Variants in PDE11A observed in about 807,000 individuals in gnomAD.
PDE11A encodes phosphodiesterase 11A, also known as dual 3',5'-cyclic-AMP and -GMP phosphodiesterase 11A.
Under a neutral mutation model 100.5 loss-of-function variants are expected in PDE11A, and 100 were observed. The observed-to-expected ratio is 1.00, with a 90% CI of 0.85 to 1.18. PDE11A has a LOEUF of 1.18. Ranked by LOEUF, PDE11A falls within the 50% of genes most tolerant of loss-of-function variation. PDE11A has a pLI of 0.00. For synonymous variants in PDE11A, 381 were observed against 420.8 expected, an observed-to-expected ratio of 0.91 and a Z score of 1.16; for missense variants, 1,141 against 1,152.6, an observed-to-expected ratio of 0.99 and a Z score of 0.15.
In PDE11A at chr2:177,947,793, T is replaced by C. The variant is rs201282911; in HGVS notation, c.1072-42606A>G. Reference sequence around the variant, plus strand: ...AAATAAATTTAAAAAAATAAAAAAATAAAAAAAAAATAAAATAAAATCTTA... The same window carrying C: ...AAATAAATTTAAAAAAATAAAAAAACAAAAAAAAAATAAAATAAAATCTTA... On this transcript the variant is annotated intron_variant, in intron 2 of 19. Transcript: ENST00000286063. Among the ~76,000 whole-genome samples, 6 of 26,792 alleles carry C rather than the reference T, an allele frequency of 2.2e-4. No individual in the cohort carries two copies. The South Asian group carries it at 6.7e-3, about 30-fold the overall frequency. The allele number at this position is 26,792 out of a possible 152,430, so 17.6% of individuals were successfully genotyped here.
intron 1 of PDE11A, among the ~76,000 whole-genome samples, chr2:178,043,398 A>G (rs921078312): frequency 2.0e-5 from 3 of 152,280 alleles, no homozygotes; most frequent in Admixed American, 1.3e-4. Context: ...CAGACATCAA[A>G]ACTTGCTTTG....
At chr2:177,641,426 CAA>C (rs3056858) in intron 19 of PDE11A, among the ~76,000 whole-genome samples, 9 of 136,036 alleles carry the variant, frequency 6.6e-5, no homozygotes, top group African/African-American at 8.2e-5. Context: ...TTTACTGAGT[CAA>C]AAAAAAAAAA....
chr2:177,741,282 T>C (rs2081868021), intron 10 of PDE11A, among the ~76,000 whole-genome samples: 6 of 152,218 alleles, frequency 3.9e-5, no homozygotes, highest in Admixed American at 3.3e-4. Context: ...GCCTTCTCTC[T>C]GTACATGTGC....
intron 15 of PDE11A, among the ~76,000 whole-genome samples, chr2:177,692,488 C>T (rs567808069): frequency 9.9e-5 from 15 of 152,134 alleles, no homozygotes; most frequent in Non-Finnish European, 2.9e-5. Flanking sequence ...GGGTGATATG[C>T]CTATACCCCT....
chr2:178,091,308 C>T lies in PDE11A; in HGVS notation c.162+12994G>A, dbSNP rs117589475. On this transcript the variant is annotated intron_variant, in intron 2 of 20. Coordinates refer to the PDE11A transcript ENST00000358450. Reference sequence around the variant, plus strand: ...CTGATCTCCAATTCCTGGGCTCAAGCGATCTGTGCACCTCGGCCTCCCAAA... The same window carrying T: ...CTGATCTCCAATTCCTGGGCTCAAGTGATCTGTGCACCTCGGCCTCCCAAA... 1.1e-3 allele frequency among the ~76,000 whole-genome samples: 165 copies of T among 152,192 alleles called. 4 individuals are homozygous for T. In the East Asian group the frequency reaches 0.03, roughly 28 times the overall value.
chr2:177,764,265 T>C (rs1039505435), intron 10 of PDE11A, among the ~76,000 whole-genome samples: 1 of 152,178 alleles, frequency 6.6e-6, no homozygotes, highest in Admixed American at 6.5e-5. Context: ...ACTTGAAATA[T>C]GTATGAGGTA....
intron 18 of PDE11A, among the ~76,000 whole-genome samples, chr2:177,666,579 G>GCT (rs572515818): frequency 2.5e-3 from 374 of 152,178 alleles, no homozygotes; most frequent in African/African-American, 8.7e-3. Flanking sequence ...TGTCTTTTTT[G>GCT]CTATAGCTAT....
intron 2 of PDE11A, among the ~76,000 whole-genome samples, chr2:177,986,351 G>C (rs1369767438): frequency 6.6e-6 from 1 of 152,142 alleles, no homozygotes; most frequent in Admixed American, 6.5e-5. Context: ...TCTAGCAGCA[G>C]GGTCAAAGCC....
At chr2:177,897,856 A>G (rs1335571351) in intron 4 of PDE11A, among the ~76,000 whole-genome samples, 1 of 152,228 alleles carries the variant, frequency 6.6e-6, no homozygotes, top group Non-Finnish European at 1.5e-5. Context: ...TTAGCTTAAA[A>G]GTCTATGTTT....
In PDE11A at chr2:177,737,432, T is replaced by TAC. The variant is rs1237615399; in HGVS notation, c.1789-9262_1789-9261dup. 2.0e-4 allele frequency among the ~76,000 whole-genome samples: 27 copies of TAC among 136,628 alleles called. 1 individual carries two copies. Among genetic ancestry groups the TAC allele is most frequent in the Non-Finnish European group, 2.7e-4 (17 of 62,944 alleles). The allele number at this position is 136,628 out of a possible 152,430, so 89.6% of individuals were successfully genotyped here. ...TCTCTACTAAAAATACACACACACATACACACACACACACACAAATTAGCC... is the reference window on the plus strand; with the variant it reads ...TCTCTACTAAAAATACACACACACATACACACACACACACACACAAATTAGCC... On this transcript the variant is annotated intron_variant, in intron 10 of 19. Transcript: ENST00000286063.
At chr2:177,831,283 A>T (rs3770051) in intron 6 of PDE11A, among the ~76,000 whole-genome samples, 49,402 of 152,118 alleles carry the variant, frequency 0.32, 10,190 homozygotes, top group East Asian at 0.6. Flanking sequence ...CATTAAAGAC[A>T]TCCCTTTGTA....
rs140368042 is a variant in PDE11A at position 178,108,036 on chromosome 2, G to C, written c.-14+218C>G. 3.2e-3 allele frequency among the ~76,000 whole-genome samples: 490 copies of C among 152,260 alleles called. 3 individuals carry two copies. The highest frequency in any genetic ancestry group is 0.011 in the African/African-American group (450 of 41,572). ...TGCCAAGCCAACAATTACTTTTTAA[G>C]GGTGACTTGGCAACCCTGTGTTGAA... is the stretch of plus-strand genomic sequence containing the variant. On this transcript the variant is annotated intron_variant, in intron 1 of 20. Transcript: ENST00000358450.
chr2:177,838,444 A>G (rs2083439000), intron 6 of PDE11A, among the ~76,000 whole-genome samples: 2 of 151,756 alleles, frequency 1.3e-5, no homozygotes, highest in South Asian at 4.1e-4. Flanking sequence ...TTTTTTTAAA[A>G]GAAAGACAAA....
intron 2 of PDE11A, among the ~76,000 whole-genome samples, chr2:177,954,306 A>G (rs1249710501): frequency 2.0e-5 from 3 of 152,086 alleles, no homozygotes; most frequent in African/African-American, 7.2e-5. Context: ...TTATAGCACA[A>G]TTACTCATTT....
At position 177,819,860 on chromosome 2, in the gene PDE11A, TTC is replaced by T. The variant is rs72501877; in HGVS notation, c.1576+358_1576+359del. On this transcript the variant is annotated intron_variant, in intron 7 of 19. Coordinates refer to ENST00000286063, the MANE Select transcript of PDE11A (RefSeq NM_016953.4). ...CTTGAAGTCATTTCTCTTTCTCTCT[TTC>T]TCTCTTTCTCTCTCTCTCTCTCTCT... is the stretch of plus-strand genomic sequence containing the variant. 4.3e-3 allele frequency among the ~76,000 whole-genome samples: 435 copies of T among 101,958 alleles called. 24 individuals carry two copies. Among genetic ancestry groups the T allele is most frequent in the African/African-American group, 9.3e-3 (243 of 26,100 alleles). The allele number at this position is 101,958 out of a possible 152,430, so 66.9% of individuals were successfully genotyped here. A position where few individuals can be genotyped will look rare whatever the true frequency, so the allele number is the denominator to read the frequency against.
chr2:177,740,748 A>T lies in PDE11A; in HGVS notation c.1789-12576T>A, dbSNP rs556001438. Among the ~76,000 whole-genome samples the T allele has an allele frequency of 2.8e-4, 43 of 152,334 alleles. No homozygotes were observed. The South Asian group carries it at 2.9e-3, about 10-fold the overall frequency. On this transcript the variant is annotated intron_variant, in intron 10 of 19. Transcript: ENST00000286063. ...CAGAGATTTTCTTCCATGCAGCTTTAAAAAACTTATTTATTTTTGTGGTCT... is the reference window on the plus strand; with the variant it reads ...CAGAGATTTTCTTCCATGCAGCTTTTAAAAACTTATTTATTTTTGTGGTCT...
At chr2:177,820,044 T>C (rs2083112176) in intron 7 of PDE11A, among the ~76,000 whole-genome samples, 176 bp downstream of exon 7, 1 of 151,962 alleles carries the variant, frequency 6.6e-6, no homozygotes, top group African/African-American at 2.4e-5. Flanking sequence ...GTTCAAGTTG[T>C]GGATAATGTT....
At position 177,624,500 on chromosome 2, in the gene PDE11A, A is replaced by C. The variant is rs1392497705; in HGVS notation, c.*4907T>G. 1 of 152,196 alleles carries C rather than the reference A, an allele frequency of 6.6e-6. No homozygotes were observed. Among genetic ancestry groups the C allele is most frequent in the Middle Eastern group, 3.2e-3 (1 of 316 alleles). The allele number at this position is 152,196 out of a possible 1,614,324, so 9.4% of individuals were successfully genotyped here. A position where few individuals can be genotyped will look rare whatever the true frequency, so the allele number is the denominator to read the frequency against. On this transcript the variant is annotated 3_prime_UTR_variant, in exon 20 of 20. Coordinates refer to ENST00000286063, the MANE Select transcript of PDE11A (RefSeq NM_016953.4). ...AGTGTTAAGTGGAAAAAGTTATGATAAATTTTGATACACAGAAAAAGCAAC... is the reference window on the plus strand; with the variant it reads ...AGTGTTAAGTGGAAAAAGTTATGATCAATTTTGATACACAGAAAAAGCAAC...
intron 4 of PDE11A, among the ~76,000 whole-genome samples, chr2:177,893,213 T>C (rs2084557549): frequency 6.6e-6 from 1 of 152,204 alleles, no homozygotes; most frequent in South Asian, 2.1e-4. Flanking sequence ...TAATTTTAGG[T>C]TCTGATTCAT....
Sources: gnomAD v4.1 joint callset for allele counts (sites outside exome capture counted in the v4.1 genomes callset) on GRCh38, gnomAD v4.1.1 for gene constraint, MANE v1.5 for transcripts, NCBI Gene and HGNC (gene_info 2026-07-23, HGNC 2026-07-21) for gene names.